Variants in LRP1B observed in about 807,000 individuals in gnomAD.
The protein encoded by LRP1B is low-density lipoprotein receptor-related protein 1B.
A neutral mutation model predicts 556.6 loss-of-function variants in LRP1B; 217 were observed. That is an observed-to-expected ratio of 0.39 (90% CI 0.35 to 0.44). The LOEUF (loss-of-function observed/expected upper bound fraction) is 0.44. LRP1B is among the 20% of genes least tolerant of loss of function. LRP1B has a pLI of 1.00. For synonymous variants in LRP1B, 2,047 were observed against 1,865.8 expected (o/e 1.10, Z -2.50); for missense variants, 5,053 against 5,620.8 (o/e 0.90, Z 3.23).
intron 3 of LRP1B, among the ~76,000 whole-genome samples, chr2:141,280,736 G>C (rs1685480044): frequency 6.6e-6 from 1 of 151,820 alleles, no homozygotes; most frequent in Non-Finnish European, 1.5e-5. Flanking sequence ...TAAACATATA[G>C]TACTTAATAA....
intron 7 of LRP1B, among the ~76,000 whole-genome samples, chr2:141,077,661 C>A (rs1249566523): frequency 6.6e-6 from 1 of 152,162 alleles, no homozygotes; most frequent in Non-Finnish European, 1.5e-5. Flanking sequence ...TGATTTCCCC[C>A]GAGGAAGAAG....
At chr2:140,464,436 T>C (rs1336757521) in intron 60 of LRP1B, among the ~76,000 whole-genome samples, 2 of 152,138 alleles carry the variant, frequency 1.3e-5, no homozygotes, top group Non-Finnish European at 2.9e-5. Flanking sequence ...TTGCTTATAA[T>C]AGAAGGTCAA....
intron 32 of LRP1B, among the ~76,000 whole-genome samples, chr2:140,798,539 A>G (rs747255190): frequency 5.3e-5 from 8 of 152,092 alleles, no homozygotes; most frequent in Non-Finnish European, 1.2e-4. Context: ...GGCCTCATAG[A>G]GGCAATTGGC....
chr2:140,535,724 T>C (rs917637925), intron 46 of LRP1B, among the ~76,000 whole-genome samples: 1 of 152,116 alleles, frequency 6.6e-6, no homozygotes, highest in African/African-American at 2.4e-5. Flanking sequence ...TTATCAATGA[T>C]CATGCAAAGA....
At chr2:140,280,472 G>A (rs1005916815) in intron 84 of LRP1B, among the ~76,000 whole-genome samples, 1 of 151,548 alleles carries the variant, frequency 6.6e-6, no homozygotes, top group Non-Finnish European at 1.5e-5. Flanking sequence ...TCTTATGAAC[G>A]ATGTGTAATT....
At chr2:141,331,611 T>C (rs1476265899) in intron 3 of LRP1B, among the ~76,000 whole-genome samples, 1 of 150,584 alleles carries the variant, frequency 6.6e-6, no homozygotes, top group Non-Finnish European at 1.5e-5. Flanking sequence ...AAAATTAAAA[T>C]TTAAAATTTA....
intron 1 of LRP1B, among the ~76,000 whole-genome samples, chr2:141,887,018 T>A (rs1416296287): frequency 6.6e-6 from 1 of 151,480 alleles, no homozygotes; most frequent in Non-Finnish European, 1.5e-5. Flanking sequence ...TTTTCTTTGA[T>A]GGAGTCTTGC....
At chr2:141,592,162 T>C (rs539664151) in intron 2 of LRP1B, among the ~76,000 whole-genome samples, 10 of 152,238 alleles carry the variant, frequency 6.6e-5, no homozygotes, top group African/African-American at 2.4e-4. Context: ...TCCATACTTA[T>C]TGTTTATATG....
chr2:142,001,145 G>A (rs1195669407), intron 1 of LRP1B, among the ~76,000 whole-genome samples: 1 of 152,090 alleles, frequency 6.6e-6, no homozygotes, highest in Middle Eastern at 3.2e-3. Flanking sequence ...CCAACCCCGT[G>A]GAACTGCAAG....
chr2:142,129,218 A>G (rs1252367805), intron 1 of LRP1B, among the ~76,000 whole-genome samples: 1 of 152,192 alleles, frequency 6.6e-6, no homozygotes, highest in Non-Finnish European at 1.5e-5. Context: ...CCATTTCATC[A>G]GTATAGTTTC....
intron 2 of LRP1B, among the ~76,000 whole-genome samples, chr2:141,726,172 A>G (rs555977626): frequency 1.7e-4 from 26 of 151,286 alleles, no homozygotes; most frequent in Admixed American, 6.6e-4. Flanking sequence ...AAATATATTC[A>G]TAATATATTT....
intron 2 of LRP1B, among the ~76,000 whole-genome samples, chr2:141,802,906 C>G (rs76076351): frequency 0.017 from 2,601 of 152,136 alleles, 77 homozygotes; most frequent in African/African-American, 0.059. Context: ...CAGCTTTGTC[C>G]CTGTAGAGTC....
intron 2 of LRP1B, among the ~76,000 whole-genome samples, chr2:141,687,363 G>A (rs6717077): frequency 0.34 from 51,356 of 151,692 alleles, 9,216 homozygotes; most frequent in East Asian, 0.58. Context: ...TTTGTGAGAC[G>A]AGTAAGCCAA....
At chr2:141,149,370 A>G (rs1479085079) in intron 7 of LRP1B, among the ~76,000 whole-genome samples, 9 of 152,150 alleles carry the variant, frequency 5.9e-5, no homozygotes, top group Admixed American at 5.9e-4. Flanking sequence ...TAAGAATATT[A>G]CGTGAATAGT....
intron 7 of LRP1B, among the ~76,000 whole-genome samples, chr2:141,181,880 G>T (rs1681014210): frequency 6.6e-6 from 1 of 151,928 alleles, no homozygotes; most frequent in Admixed American, 6.6e-5. Context: ...TTAATGAGAA[G>T]AATGTGAGTC....
chr2:140,534,960 G>C (rs1001812779), intron 46 of LRP1B, among the ~76,000 whole-genome samples: 1 of 152,156 alleles, frequency 6.6e-6, no homozygotes, highest in Non-Finnish European at 1.5e-5. Context: ...TGGGAACAAA[G>C]ATTTAACCTC....
rs1707174102 is a variant in LRP1B at position 142,115,532 on chromosome 2, T to TA, written c.82+15115dup. ...TTATATATTACATATATAATATATA[T>TA]ATTACATATGTAATATATATATTAT... is the stretch of plus-strand genomic sequence containing the variant. On this transcript the variant is annotated intron_variant, in intron 1 of 90. Coordinates refer to ENST00000389484, the MANE Select transcript of LRP1B (RefSeq NM_018557.3). 1.0e-4 allele frequency among the ~76,000 whole-genome samples: 5 copies of TA among 50,028 alleles called. No individual in the cohort carries two copies. The East Asian group carries it at 1.9e-3, about 19-fold the overall frequency. 32.8% of individuals were successfully genotyped at this position (50,028 alleles called of 152,430 possible).
chr2:141,905,310 A>G (rs1035530720), intron 1 of LRP1B, among the ~76,000 whole-genome samples: 1 of 151,856 alleles, frequency 6.6e-6, no homozygotes, highest in Non-Finnish European at 1.5e-5. Context: ...GGAGATAACG[A>G]AGTAAGCTAG....
intron 20 of LRP1B, among the ~76,000 whole-genome samples, chr2:140,942,916 G>A (rs987475269): frequency 3.9e-5 from 6 of 151,996 alleles, no homozygotes; most frequent in Non-Finnish European, 2.9e-5. Context: ...ATGATAGAAC[G>A]AAAATCTCTT....
Sources: gnomAD v4.1 joint callset for allele counts (sites outside exome capture counted in the v4.1 genomes callset) on GRCh38, gnomAD v4.1.1 for gene constraint, MANE v1.5 for transcripts, NCBI Gene and HGNC (gene_info 2026-07-23, HGNC 2026-07-21) for gene names.